Variants in CDH12 observed in about 807,000 individuals in gnomAD.
CDH12 encodes cadherin 12, also known as cadherin-12.
CDH12 carries 41 observed loss-of-function variants against 74.1 expected under a neutral mutation model. The observed-to-expected ratio is 0.55, with a 90% CI of 0.43 to 0.72. CDH12 has a LOEUF of 0.72. Ranked by LOEUF, CDH12 falls within the 30% of genes least tolerant of loss-of-function variation. CDH12 has a pLI of 0.00. For missense variants in CDH12, 945 were observed against 977.2 expected, an observed-to-expected ratio of 0.97 and a Z score of 0.44; for synonymous variants, 399 against 355.0, an observed-to-expected ratio of 1.12 and a Z score of -1.39.
At chr5:22,375,554 G>C (rs1276185587) in intron 3 of CDH12, among the ~76,000 whole-genome samples, 1 of 151,972 alleles carries the variant, frequency 6.6e-6, no homozygotes, top group Non-Finnish European at 1.5e-5. Context: ...ATCTGACAAA[G>C]GACTAATATC....
At chr5:22,081,465 A>G (rs1276853934) in intron 4 of CDH12, among the ~76,000 whole-genome samples, 1 of 152,188 alleles carries the variant, frequency 6.6e-6, no homozygotes, top group Admixed American at 6.5e-5. Context: ...TATTCCAAGC[A>G]TATCAGTTCA....
At chr5:22,663,464 T>C (rs1279218770) in intron 1 of CDH12, among the ~76,000 whole-genome samples, 3 of 152,188 alleles carry the variant, frequency 2.0e-5, no homozygotes, top group Non-Finnish European at 4.4e-5. Flanking sequence ...TACTTTCATA[T>C]TGCTGAATAT....
At chr5:21,917,487 A>C (rs1238506459) in intron 6 of CDH12, among the ~76,000 whole-genome samples, 1 of 152,216 alleles carries the variant, frequency 6.6e-6, no homozygotes, top group Non-Finnish European at 1.5e-5. Flanking sequence ...TTTCTGTTAC[A>C]TTCTTAGCTC....
chr5:22,302,077 A>G (rs1737909377), intron 3 of CDH12, among the ~76,000 whole-genome samples: 1 of 152,132 alleles, frequency 6.6e-6, no homozygotes. Flanking sequence ...AAATACAAAA[A>G]CAATTATATT....
chr5:22,434,295 T>C (rs1256265834), intron 2 of CDH12, among the ~76,000 whole-genome samples: 1 of 152,126 alleles, frequency 6.6e-6, no homozygotes, highest in Non-Finnish European at 1.5e-5. Context: ...TTTGGGTGTC[T>C]TAAGATTTGA....
At chr5:22,567,137 A>G (rs1418830964) in intron 1 of CDH12, among the ~76,000 whole-genome samples, 1 of 152,184 alleles carries the variant, frequency 6.6e-6, no homozygotes, top group East Asian at 1.9e-4. Context: ...AAGAATAGTC[A>G]TCTTCAAGCT....
chr5:22,015,002 A>G (rs1737517538), intron 5 of CDH12, among the ~76,000 whole-genome samples: 1 of 152,170 alleles, frequency 6.6e-6, no homozygotes, highest in Admixed American at 6.5e-5. Flanking sequence ...AGTTCATTAA[A>G]GAATATTAAG....
intron 6 of CDH12, among the ~76,000 whole-genome samples, chr5:21,918,862 T>C (rs1220825374): frequency 1.3e-5 from 2 of 152,182 alleles, no homozygotes; most frequent in African/African-American, 2.4e-5. Flanking sequence ...CAAATTAAAA[T>C]TGTATAAATT....
At chr5:22,772,753 T>C (rs1304215392) in intron 1 of CDH12, among the ~76,000 whole-genome samples, 2 of 152,120 alleles carry the variant, frequency 1.3e-5, no homozygotes, top group African/African-American at 4.8e-5. Flanking sequence ...TGTATTTGTA[T>C]AAGTTTGTTT....
At chr5:22,669,358 T>G (rs2126910612) in intron 1 of CDH12, among the ~76,000 whole-genome samples, 1 of 152,324 alleles carries the variant, frequency 6.6e-6, no homozygotes, top group South Asian at 2.1e-4. Flanking sequence ...ACTGTAAGTG[T>G]AGAACTGGCC....
chr5:22,331,577 C>A (rs1022512667), intron 3 of CDH12, among the ~76,000 whole-genome samples: 2 of 152,080 alleles, frequency 1.3e-5, no homozygotes, highest in Non-Finnish European at 2.9e-5. Context: ...CACAAATAAG[C>A]CCAGGATGTA....
chr5:22,601,612 G>A (rs188684619), intron 1 of CDH12, among the ~76,000 whole-genome samples: 1 of 152,116 alleles, frequency 6.6e-6, no homozygotes, highest in East Asian at 1.9e-4. Flanking sequence ...TCATCTGAAA[G>A]GAAGATGATT....
chr5:22,400,054 G>T (rs1256824669), intron 3 of CDH12, among the ~76,000 whole-genome samples: 4 of 152,116 alleles, frequency 2.6e-5, no homozygotes, highest in African/African-American at 9.7e-5. Flanking sequence ...TAACCAGAGA[G>T]CTTCTTTTCA....
intron 3 of CDH12, among the ~76,000 whole-genome samples, chr5:22,263,693 T>C (rs1354489054): frequency 6.6e-6 from 1 of 152,124 alleles, no homozygotes; most frequent in Non-Finnish European, 1.5e-5. Context: ...ACAATGATGA[T>C]AAAAATCATA....
intron 2 of CDH12, among the ~76,000 whole-genome samples, chr5:22,485,115 T>C (rs1187654867): frequency 1.3e-5 from 2 of 152,200 alleles, no homozygotes; most frequent in Non-Finnish European, 2.9e-5. Flanking sequence ...TTCAGGTGTA[T>C]AAAAACTTGT....
chr5:22,354,554 C>T (rs377693240), intron 3 of CDH12, among the ~76,000 whole-genome samples: 195 of 152,246 alleles, frequency 1.3e-3, no homozygotes, highest in African/African-American at 3.8e-3. Flanking sequence ...CTGCTTGAGA[C>T]GCCTGGATGC....
Position 22,460,713 on chromosome 5 carries a change from A to ATTTT in CDH12, c.-428+44553_-428+44556dup, listed in dbSNP as rs3039460. On this transcript the variant is annotated intron_variant, in intron 2 of 14. Coordinates refer to ENST00000382254, the MANE Select transcript of CDH12 (RefSeq NM_004061.5). Reference sequence around the variant, plus strand: ...AGAGAACAGTTGATGATATCTAGCAATTTTTTTTTTTTTTTTTTTTTTTTT... The same window carrying ATTTT: ...AGAGAACAGTTGATGATATCTAGCAATTTTTTTTTTTTTTTTTTTTTTTTTTTTT... 7.8e-4 allele frequency among the ~76,000 whole-genome samples: 67 copies of ATTTT among 85,608 alleles called. 3 individuals are homozygous for ATTTT. Among genetic ancestry groups the ATTTT allele is most frequent in the African/African-American group, 2.5e-3 (50 of 19,776 alleles). 56.2% of individuals were successfully genotyped at this position (85,608 alleles called of 152,430 possible).
chr5:22,620,346 G>C lies in CDH12; in HGVS notation c.-522-114982C>G, dbSNP rs566273121. 6.3e-4 allele frequency among the ~76,000 whole-genome samples: 96 copies of C among 152,098 alleles called. 1 individual carries two copies. Among genetic ancestry groups the C allele is most frequent in the Admixed American group, 2.4e-3 (37 of 15,250 alleles). ...AAAAATAATGAAGGGAAAATAAAGA[G>C]AGTTGGTGTATAATGGTTATAATTT... On this transcript the variant is annotated intron_variant, in intron 1 of 14. Transcript: ENST00000382254.
chr5:22,195,897 C>T (rs957122637), intron 4 of CDH12, among the ~76,000 whole-genome samples: 6 of 152,116 alleles, frequency 3.9e-5, no homozygotes, highest in African/African-American at 1.2e-4. Flanking sequence ...CTCTTTCTTT[C>T]TCTCTTTCAT....
Sources: allele counts gnomAD v4.1 joint callset (sites outside exome capture counted in the v4.1 genomes callset), GRCh38; gene constraint gnomAD v4.1.1; transcripts MANE v1.5; gene names NCBI Gene and HGNC (gene_info 2026-07-23, HGNC 2026-07-21).